SYN2: variants seen among roughly 807,000 people sequenced by gnomAD.
SYN2 encodes synapsin II, also known as synapsin-2.
In SYN2, 19 loss-of-function variants were observed where a neutral mutation model predicts 50.9. That is an observed-to-expected ratio of 0.37 (90% CI 0.26 to 0.55). The LOEUF is 0.55. Among genes scored for constraint, SYN2 ranks in the 20% least tolerant of loss-of-function variants. SYN2 has a pLI of 0.81. For missense variants in SYN2, 587 were observed against 576.4 expected, an observed-to-expected ratio of 1.02 and a Z score of -0.19; for synonymous variants, 255 against 224.9, an observed-to-expected ratio of 1.13 and a Z score of -1.20.
chr3:12,071,222 T>C, intron 1 of SYN2: 1 of 553,954 alleles, frequency 1.8e-6, no homozygotes, highest in Non-Finnish European at 3.6e-6. Context: ...AAGATCAAGA[T>C]CATCGTGCCC....
At chr3:12,174,681 CA>C (rs1421410256) in intron 10 of SYN2, among the ~76,000 whole-genome samples, 1 of 152,158 alleles carries the variant, frequency 6.6e-6, no homozygotes, top group Non-Finnish European at 1.5e-5. Flanking sequence ...GGGATTTCAC[CA>C]TGTTGGCCAA....
At chr3:12,105,178 C>T (rs1696158817) in intron 1 of SYN2, among the ~76,000 whole-genome samples, 1 of 152,118 alleles carries the variant, frequency 6.6e-6, no homozygotes, top group Non-Finnish European at 1.5e-5. Flanking sequence ...AGAATGTCAA[C>T]TCATGCAGTG....
intron 1 of SYN2, among the ~76,000 whole-genome samples, chr3:12,015,910 C>G (rs1694020536): frequency 6.6e-6 from 1 of 152,098 alleles, no homozygotes; most frequent in African/African-American, 2.4e-5. Context: ...GGATATATAC[C>G]TCTTATCTCT....
intron 5 of SYN2, chr3:12,153,626 A>C: frequency 1.2e-6 from 2 of 1,614,196 alleles, no homozygotes; most frequent in Non-Finnish European, 8.5e-7. Context: ...CCTGGTAACC[A>C]TAGAGCTTTC....
intron 1 of SYN2, among the ~76,000 whole-genome samples, chr3:12,116,199 ACTC>A (rs1369195005): frequency 6.6e-6 from 1 of 152,134 alleles, no homozygotes; most frequent in Non-Finnish European, 1.5e-5. Flanking sequence ...ACCTTTCTGA[ACTC>A]CTGCAAAGGA....
intron 1 of SYN2, among the ~76,000 whole-genome samples, chr3:12,026,581 G>A (rs929485397): frequency 6.6e-6 from 1 of 152,110 alleles, no homozygotes; most frequent in African/African-American, 2.4e-5. Context: ...AGGAGATTAG[G>A]GGAGTAAGGC....
intron 10 of SYN2, among the ~76,000 whole-genome samples, chr3:12,170,671 A>C (rs768040439): frequency 1.8e-4 from 27 of 152,234 alleles, no homozygotes; most frequent in Non-Finnish European, 3.5e-4. Flanking sequence ...AATGAATCAA[A>C]AGCTGAACCT....
intron 11 of SYN2, among the ~76,000 whole-genome samples, chr3:12,186,879 G>T (rs1036489281): frequency 6.6e-6 from 1 of 152,194 alleles, no homozygotes; most frequent in Non-Finnish European, 1.5e-5. Flanking sequence ...TTTTATGTTT[G>T]GGAAAACCAA....
rs547106695 is a variant in SYN2, at chr3:12,084,185, C to G, written c.378-56466C>G. 2.6e-5 allele frequency among the ~76,000 whole-genome samples: 4 copies of G among 152,140 alleles called. No homozygotes were observed. In the South Asian group the frequency reaches 6.2e-4, roughly 24 times the overall value. On this transcript the variant is annotated intron_variant, in intron 1 of 12. Coordinates refer to ENST00000621198, the MANE Select transcript of SYN2 (RefSeq NM_133625.6). The stretch of plus-strand genomic sequence containing the variant: ...AAACTGCCTCCCTATAATATCTAAC[C>G]ATTTCTAATTTTCTTAATTATGTCT...
intron 1 of SYN2, among the ~76,000 whole-genome samples, chr3:12,023,929 T>C (rs1326597703): frequency 2.0e-5 from 3 of 152,046 alleles, no homozygotes; most frequent in Non-Finnish European, 4.4e-5. Context: ...AAAGGAGCTT[T>C]GGGGACCTTA....
intron 1 of SYN2, among the ~76,000 whole-genome samples, chr3:12,109,917 C>T (rs1008966269): frequency 1.3e-5 from 2 of 152,184 alleles, no homozygotes; most frequent in Non-Finnish European, 2.9e-5. Context: ...ATACTGGGCA[C>T]AGTGGCTCAT....
intron 5 of SYN2, chr3:12,157,456 TC>T: frequency 6.2e-7 from 1 of 1,614,136 alleles, no homozygotes; most frequent in Non-Finnish European, 8.5e-7. Context: ...GGAACTACCT[TC>T]TCACTGGAGA....
intron 5 of SYN2, chr3:12,153,542 C>T (rs779355914): frequency 2.0e-5 from 33 of 1,613,814 alleles, no homozygotes; most frequent in Admixed American, 1.0e-4. Context: ...CAACAAACTC[C>T]TTCCTGAGAG....
At chr3:12,099,975 G>GAA (rs376887129) in intron 1 of SYN2, among the ~76,000 whole-genome samples, 3 of 120,186 alleles carry the variant, frequency 2.5e-5, no homozygotes, top group African/African-American at 6.4e-5. Context: ...AAAAAAAAAA[G>GAA]AAAAAAAAAA....
chr3:12,139,219 A>G (rs932850439), intron 1 of SYN2, among the ~76,000 whole-genome samples: 3 of 152,216 alleles, frequency 2.0e-5, no homozygotes, highest in Non-Finnish European at 2.9e-5. Context: ...TCCAGAACCC[A>G]TAGAGAAAAG....
At position 12,098,546 on chromosome 3, in the gene SYN2, TAAGA is replaced by T. The variant is rs1695993905; in HGVS notation, c.378-42101_378-42098del. Among the ~76,000 whole-genome samples the T allele has an allele frequency of 2.6e-5, 4 of 152,008 alleles. No homozygotes were observed. The South Asian group carries it at 8.3e-4, about 32-fold the overall frequency. On this transcript the variant is annotated intron_variant, in intron 1 of 12. Coordinates refer to ENST00000621198, the MANE Select transcript of SYN2 (RefSeq NM_133625.6). ...TAATTGTAATTCCCTAGACAACCAC[TAAGA>T]AAGTAACTTTTTAAAAAAAGTAAAT...
intron 1 of SYN2, among the ~76,000 whole-genome samples, chr3:12,026,407 A>T (rs1198475805): frequency 1.3e-5 from 2 of 152,092 alleles, no homozygotes; most frequent in Non-Finnish European, 2.9e-5. Flanking sequence ...CTTAACCTTT[A>T]AAAAAATATA....
intron 5 of SYN2, chr3:12,154,499 G>A (rs765928797): frequency 5.0e-6 from 8 of 1,604,870 alleles, no homozygotes; most frequent in Non-Finnish European, 6.8e-6. Flanking sequence ...TCTTCTCCTG[G>A]AGCCCCAGGG....
intron 1 of SYN2, among the ~76,000 whole-genome samples, chr3:12,089,144 G>T (rs774255631): frequency 6.6e-6 from 1 of 152,066 alleles, no homozygotes; most frequent in Non-Finnish European, 1.5e-5. Context: ...ATACGTATTC[G>T]TCTGTTCTTA....
Sources: gnomAD v4.1 joint callset for allele counts (sites outside exome capture counted in the v4.1 genomes callset) on GRCh38, gnomAD v4.1.1 for gene constraint, MANE v1.5 for transcripts, NCBI Gene and HGNC (gene_info 2026-07-23, HGNC 2026-07-21) for gene names.